STX19: variants seen among roughly 807,000 people sequenced by gnomAD.
STX19 encodes the protein syntaxin-19.
Under a neutral mutation model 24.3 loss-of-function variants are expected in STX19, and 26 were observed. The observed-to-expected ratio is 1.07, with a 90% CI of 0.78 to 1.48. The LOEUF is 1.48. STX19 is among the 40% of genes most tolerant of loss of function. The pLI is 0.00. For synonymous variants in STX19, 116 were observed against 106.9 expected, an observed-to-expected ratio of 1.09 and a Z score of -0.52; for missense variants, 367 against 331.9, an observed-to-expected ratio of 1.11 and a Z score of -0.82.
intron 1 of STX19, among the ~76,000 whole-genome samples, chr3:94,021,484 C>CGCACCCGGCTGCTTTTTTGGTTTT (rs2076448398): frequency 2.0e-5 from 3 of 152,074 alleles, no homozygotes; most frequent in African/African-American, 7.2e-5. Context: ...TACAAACCAC[C>CGCACCCGGCTGCTTTTTTGGTTTT]ATGCCTGGCC....
chr3:94,020,380 C>T (rs1318193439), intron 1 of STX19, among the ~76,000 whole-genome samples: 2 of 152,120 alleles, frequency 1.3e-5, no homozygotes, highest in African/African-American at 4.8e-5. Context: ...ATGTTGTCAG[C>T]TAGTGGTAGA....
At chr3:94,024,965 T>C (rs1028775620) in intron 1 of STX19, among the ~76,000 whole-genome samples, 2 of 152,146 alleles carry the variant, frequency 1.3e-5, no homozygotes, top group Non-Finnish European at 2.9e-5. Flanking sequence ...TTTTAAGAAA[T>C]AGACTATTTC....
At position 94,015,056 on chromosome 3, in the gene STX19, C is replaced by T. The variant is rs765180551; in HGVS notation, c.214G>A (p.Gly72Arg). The change falls in exon 2 of 2, where the codon GGG becomes AGG. Residue 72 changes from glycine (G) to arginine (R), a missense_variant. Coordinates refer to ENST00000315099, the MANE Select transcript of STX19 (RefSeq NM_001001850.3). Reference protein sequence around the residue: ...NNLADNVQKFGQQQKSLVASM... With the variant: ...NNLADNVQKFRQQQKSLVASM... ...GCCACCAGACTTTTCTGTTGCTGCCCAAATTTTTGAACATTATCTGCCAAA... is the reference window on the plus strand; with the variant it reads ...GCCACCAGACTTTTCTGTTGCTGCCTAAATTTTTGAACATTATCTGCCAAA... The T allele has an allele frequency of 2.8e-5, 45 of 1,613,920 alleles. No homozygotes were observed. The South Asian group carries it at 4.7e-4, about 17-fold the overall frequency.
chr3:94,015,094 T>C lies in STX19; in HGVS notation c.176A>G (p.Glu59Gly), dbSNP rs780708305. 1 of 1,613,896 alleles carries C rather than the reference T, an allele frequency of 6.2e-7. No individual in the cohort carries two copies. The highest frequency in any genetic ancestry group is 8.5e-7 in the Non-Finnish European group (1 of 1,179,916). The change falls in exon 2 of 2, where the codon GAA (glutamate) becomes GGA (glycine). Residue 59 changes from glutamate (E) to glycine (G), a missense_variant. Glu to Gly is a moderately conservative substitution (Grantham distance 98). Coordinates refer to ENST00000315099, the MANE Select transcript of STX19 (RefSeq NM_001001850.3). ...ATTATCTGCCAAATTGTTAATACTT[T>C]CCTGTAGTTTTTGGATTTCATGTAG... is the stretch of plus-strand genomic sequence containing the variant. ...RHLHEIQKLQ[E>G]SINNLADNVQ...
chr3:94,026,939 G>A, intron 1 of STX19, among the ~76,000 whole-genome samples: 1 of 152,080 alleles, frequency 6.6e-6, no homozygotes, highest in East Asian at 1.9e-4. Flanking sequence ...AAGTAAACTG[G>A]TGCGACTCAA....
chr3:94,025,629 C>T (rs2076541017), intron 1 of STX19, among the ~76,000 whole-genome samples: 1 of 152,156 alleles, frequency 6.6e-6, no homozygotes, highest in African/African-American at 2.4e-5. Flanking sequence ...CAAGAATGCT[C>T]TGAGTGTCCT....
intron 1 of STX19, among the ~76,000 whole-genome samples, chr3:94,024,253 G>C (rs2076509273): frequency 6.6e-6 from 1 of 152,132 alleles, no homozygotes; most frequent in Non-Finnish European, 1.5e-5. Context: ...AGCATATATA[G>C]CTGAAGTGCT....
At chr3:94,018,675 G>A (rs928595416) in intron 1 of STX19, among the ~76,000 whole-genome samples, 1 of 152,096 alleles carries the variant, frequency 6.6e-6, no homozygotes, top group African/African-American at 2.4e-5. Context: ...TCCAAAATGA[G>A]CTCATAATCT....
In STX19 at chr3:94,015,302, G is replaced by A; in HGVS notation, c.-13-20C>T. The A allele has an allele frequency of 1.1e-5, 16 of 1,494,214 alleles. No individual in the cohort carries two copies. Among genetic ancestry groups the A allele is most frequent in the Non-Finnish European group, 1.4e-5 (16 of 1,129,172 alleles). The allele number at this position is 1,494,214 out of a possible 1,614,324, so 92.6% of individuals were successfully genotyped here. On this transcript the variant is annotated intron_variant, in intron 1 of 1. Coordinates refer to ENST00000315099, the MANE Select transcript of STX19 (RefSeq NM_001001850.3). ...TTCCTCCTAAGAAGCAAAAATTTTT[G>A]TGTTGAACAAGTAGAAATTTGGTAT...
chr3:94,016,888 G>A (rs372297281), intron 1 of STX19, among the ~76,000 whole-genome samples: 45 of 152,088 alleles, frequency 3.0e-4, no homozygotes, highest in Non-Finnish European at 4.4e-4. Context: ...CTCGTGATCC[G>A]CCCACCTTGG....
chr3:94,026,036 T>G (rs1300282046), intron 1 of STX19, among the ~76,000 whole-genome samples: 2 of 151,674 alleles, frequency 1.3e-5, no homozygotes, highest in Non-Finnish European at 2.9e-5. Context: ...TTTTTTTTTT[T>G]TGAGACGGAG....
chr3:94,015,102 T>G lies in STX19; in HGVS notation c.168A>C (p.Lys56Asn). The change falls in exon 2 of 2, where the codon AAA becomes AAC. Residue 56 changes from lysine to asparagine, a missense_variant. Transcript: ENST00000315099. ...CCAAATTGTTAATACTTTCCTGTAG[T>G]TTTTGGATTTCATGTAGGTGTCTCT... ...VAERHLHEIQKLQESINNLAD... is the reference protein window; with the variant it reads ...VAERHLHEIQNLQESINNLAD... 6.2e-7 allele frequency: 1 copy of G among 1,613,752 alleles called. No individual in the cohort carries two copies. Among genetic ancestry groups the G allele is most frequent in the Non-Finnish European group, 8.5e-7 (1 of 1,179,890 alleles).
chr3:94,025,358 C>T (rs182814745), intron 1 of STX19, among the ~76,000 whole-genome samples: 21 of 152,082 alleles, frequency 1.4e-4, no homozygotes, highest in Admixed American at 1.1e-3. Flanking sequence ...CATGGCAATG[C>T]GTATTATGTA....
chr3:94,019,120 T>G (rs2076395173), intron 1 of STX19, among the ~76,000 whole-genome samples: 2 of 151,986 alleles, frequency 1.3e-5, no homozygotes, highest in African/African-American at 2.4e-5. Context: ...ACAGCAAATC[T>G]TGTCAACATC....
At chr3:94,018,919 C>T (rs772222667) in intron 1 of STX19, among the ~76,000 whole-genome samples, 20 of 152,122 alleles carry the variant, frequency 1.3e-4, no homozygotes, top group Admixed American at 1.2e-3. Context: ...GCATGTGCCA[C>T]CACGCCCAGC....
chr3:94,017,677 G>A (rs1268165061), intron 1 of STX19, among the ~76,000 whole-genome samples: 1 of 152,076 alleles, frequency 6.6e-6, no homozygotes, highest in Non-Finnish European at 1.5e-5. Flanking sequence ...AAGATAAACG[G>A]GATAATTTTA....
intron 1 of STX19, among the ~76,000 whole-genome samples, chr3:94,016,162 A>C (rs2076330014): frequency 6.6e-6 from 1 of 152,206 alleles, no homozygotes; most frequent in Admixed American, 6.5e-5. Context: ...GAAGGGAATA[A>C]AAAGCAGTAA....
intron 1 of STX19, among the ~76,000 whole-genome samples, chr3:94,017,698 C>A (rs1405336017): frequency 1.3e-5 from 2 of 152,028 alleles, no homozygotes; most frequent in Non-Finnish European, 2.9e-5. Context: ...GGTTTTGATA[C>A]AATAATCAGG....
rs2076426368 is a variant in STX19 at position 94,020,600 on chromosome 3, G to A, written c.-13-5318C>T. Among the ~76,000 whole-genome samples, 9 of 152,238 alleles carry A rather than the reference G, an allele frequency of 5.9e-5. No homozygotes were observed. The South Asian group carries it at 1.9e-3, about 32-fold the overall frequency. ...TTGGGAAAAGAGCCAGATCACAAGG[G>A]ATAAGACCTTGAAATCTGTTTGTGT... On this transcript the variant is annotated intron_variant, in intron 1 of 1. Coordinates refer to ENST00000315099, the MANE Select transcript of STX19 (RefSeq NM_001001850.3).
Sources: allele counts gnomAD v4.1 joint callset (sites outside exome capture counted in the v4.1 genomes callset), GRCh38; gene constraint gnomAD v4.1.1; transcripts MANE v1.5; gene names NCBI Gene and HGNC (gene_info 2026-07-23, HGNC 2026-07-21).